Variants in ANKRD6 observed in about 807,000 individuals in gnomAD.
The protein encoded by ANKRD6 is ankyrin repeat domain 6.
ANKRD6 carries 56 observed loss-of-function variants against 82.3 expected under a neutral mutation model. The ratio of observed to expected loss-of-function variants is 0.68; its 90% confidence interval spans 0.55 to 0.85. The LOEUF (loss-of-function observed/expected upper bound fraction) is 0.85. Ranked by LOEUF, ANKRD6 falls within the 40% of genes least tolerant of loss-of-function variation. The pLI is 0.00. For synonymous variants in ANKRD6, 347 were observed against 352.1 expected, an observed-to-expected ratio of 0.99 and a Z score of 0.16; for missense variants, 852 against 907.6, an observed-to-expected ratio of 0.94 and a Z score of 0.79.
intron 1 of ANKRD6, among the ~76,000 whole-genome samples, chr6:89,534,116 A>G (rs917154069): frequency 6.6e-6 from 1 of 152,214 alleles, no homozygotes; most frequent in Non-Finnish European, 1.5e-5. Context: ...CACAATATTA[A>G]TAATGCAGCT....
intron 1 of ANKRD6, among the ~76,000 whole-genome samples, chr6:89,459,138 A>T (rs1277343025): frequency 6.6e-6 from 1 of 151,974 alleles, no homozygotes; most frequent in Admixed American, 6.6e-5. Context: ...GAGTGCAATG[A>T]TGTGATCTCG....
chr6:89,630,372 G>T, intron 15 of ANKRD6, 61 bp from the exon 16 acceptor site: 1 of 1,543,424 alleles, frequency 6.5e-7, no homozygotes. Flanking sequence ...ATACTGACCC[G>T]CAGCCATATG....
At chr6:89,454,759 T>C (rs925516822) in intron 1 of ANKRD6, among the ~76,000 whole-genome samples, 3 of 152,016 alleles carry the variant, frequency 2.0e-5, no homozygotes, top group African/African-American at 4.8e-5. Context: ...TTTCCCTGTA[T>C]TTTTTTTATA....
At position 89,580,625 on chromosome 6, in the gene ANKRD6, C is replaced by T. The variant is rs543458929; in HGVS notation, c.120+13529C>T. Among the ~76,000 whole-genome samples, 11 of 152,176 alleles carry T rather than the reference C, an allele frequency of 7.2e-5. No homozygotes were observed. The South Asian group carries it at 2.3e-3, about 32-fold the overall frequency. The stretch of plus-strand genomic sequence containing the variant: ...CTCGCTGGGCTTCCTGCTCTGAAAC[C>T]TGTTTCCAGTTTCGACAAAACCTCA... On this transcript the variant is annotated intron_variant, in intron 2 of 15. Coordinates refer to ENST00000339746, the MANE Select transcript of ANKRD6 (RefSeq NM_001242809.2).
In ANKRD6 at chr6:89,615,371, T is replaced by C. The variant is rs1475433722; in HGVS notation, c.616-1188T>C. Reference sequence around the variant, plus strand: ...TCTGAGTATACAGCCACTGACCTAATCAAGTAGCACGGCCTCCCCAGTGGG... The same window carrying C: ...TCTGAGTATACAGCCACTGACCTAACCAAGTAGCACGGCCTCCCCAGTGGG... On this transcript the variant is annotated intron_variant, in intron 7 of 15. Coordinates refer to ENST00000339746, the MANE Select transcript of ANKRD6 (RefSeq NM_001242809.2). Among the ~76,000 whole-genome samples, 4 of 152,136 alleles carry C rather than the reference T, an allele frequency of 2.6e-5. No homozygotes were observed. The East Asian group carries it at 7.7e-4, about 29-fold the overall frequency.
At chr6:89,502,047 G>A (rs1296604734) in intron 1 of ANKRD6, among the ~76,000 whole-genome samples, 1 of 152,078 alleles carries the variant, frequency 6.6e-6, no homozygotes, top group Non-Finnish European at 1.5e-5. Context: ...TATTCTTATT[G>A]TTAACATTAA....
At chr6:89,494,196 C>T (rs1778343168) in intron 1 of ANKRD6, among the ~76,000 whole-genome samples, 2 of 152,052 alleles carry the variant, frequency 1.3e-5, no homozygotes, top group South Asian at 4.2e-4. Flanking sequence ...AGGAAAAGGC[C>T]ATGGGGGTCT....
At position 89,623,523 on chromosome 6, in the gene ANKRD6, G is replaced by T. The variant is rs907654372; in HGVS notation, c.1011G>T (p.Arg337Ser). 5.7e-6 allele frequency: 9 copies of T among 1,587,522 alleles called. No homozygotes were observed. The highest frequency in any genetic ancestry group is 6.9e-6 in the Non-Finnish European group (8 of 1,166,788). ...ASPEPRAKDD[R>S]RRKSRPKVSA... ...CAGAACCCAGAGCAAAGGATGACAG[G>T]AGGAGAAAGTCAAGGCCCAAGGTCA... The change falls in exon 11 of 16, where the codon AGG (arginine) becomes AGT (serine). Residue 337 changes from arginine to serine, a missense_variant. Coordinates refer to ENST00000339746, the MANE Select transcript of ANKRD6 (RefSeq NM_001242809.2).
chr6:89,478,896 G>T (rs1466173604), intron 1 of ANKRD6, among the ~76,000 whole-genome samples: 1 of 152,116 alleles, frequency 6.6e-6, no homozygotes, highest in Non-Finnish European at 1.5e-5. Flanking sequence ...GGCCTGAAAA[G>T]ATGTTTCCCT....
intron 14 of ANKRD6, chr6:89,628,780 A>C (rs959658728): frequency 2.2e-4 from 58 of 263,672 alleles, no homozygotes; most frequent in Admixed American, 4.6e-4. Flanking sequence ...CAAAAAACAA[A>C]CAAACAAACA....
At chr6:89,557,929 A>C (rs898002801) in intron 1 of ANKRD6, among the ~76,000 whole-genome samples, 1 of 152,094 alleles carries the variant, frequency 6.6e-6, no homozygotes, top group African/African-American at 2.4e-5. Context: ...ATCTAGTTGC[A>C]GGAAAACAAG....
intron 1 of ANKRD6, among the ~76,000 whole-genome samples, chr6:89,493,253 G>C (rs1778216196): frequency 6.6e-6 from 1 of 152,108 alleles, no homozygotes; most frequent in South Asian, 2.1e-4. Flanking sequence ...AGAGTTTCTA[G>C]GGGATATTCT....
rs1390489350 is a variant in ANKRD6 at position 89,433,717 on chromosome 6, G to A, written c.-144+342G>A. ...GCAGTTTGAAGGAAGGGCGGTGGGG[G>A]CGGGGGTCCGAGTACCCCGCGGTCT... On this transcript the variant is annotated intron_variant, in intron 1 of 15. Coordinates refer to ENST00000339746, the MANE Select transcript of ANKRD6 (RefSeq NM_001242809.2). The surrounding 1 kb of genome is among the most constrained non-coding windows in gnomAD (Gnocchi z 4.3). Among the ~76,000 whole-genome samples the A allele has an allele frequency of 6.6e-6, 1 of 152,098 alleles. No individual in the cohort carries two copies. Among genetic ancestry groups the A allele is most frequent in the Non-Finnish European group, 1.5e-5 (1 of 67,988 alleles).
chr6:89,612,243 T>C (rs374381779), intron 5 of ANKRD6, 29 bp from the exon 6 acceptor site: 153 of 1,542,954 alleles, frequency 9.9e-5, no homozygotes, highest in Non-Finnish European at 1.3e-4. Flanking sequence ...GTTGCTAATA[T>C]GTCCTCCCTC....
At position 89,578,286 on chromosome 6, in the gene ANKRD6, C is replaced by CTTTTTTTTTTTTTTTTTTTTTTTTTTT. The variant is rs71024383; in HGVS notation, c.120+11216_120+11217insTTTTTTTTTTTTTTTTTTTTTTTTTTT. ...ATTAGCTTTTTCCCCCTCCCGCCTC[C>CTTTTTTTTTTTTTTTTTTTTTTTTTTT]TTTTTTTTTTTTTTTTTTTTTTTTT... On this transcript the variant is annotated intron_variant, in intron 2 of 15. Coordinates refer to ENST00000339746, the MANE Select transcript of ANKRD6 (RefSeq NM_001242809.2). Among the ~76,000 whole-genome samples the CTTTTTTTTTTTTTTTTTTTTTTTTTTT allele has an allele frequency of 5.9e-5, 7 of 119,098 alleles. 3 individuals are homozygous for CTTTTTTTTTTTTTTTTTTTTTTTTTTT. 78.1% of individuals were successfully genotyped at this position (119,098 alleles called of 152,430 possible).
intron 1 of ANKRD6, among the ~76,000 whole-genome samples, chr6:89,444,528 G>T (rs975748554): frequency 6.6e-6 from 1 of 152,136 alleles, no homozygotes. Flanking sequence ...GTTGCATTGG[G>T]TATAAGCCAG....
intron 2 of ANKRD6, among the ~76,000 whole-genome samples, chr6:89,593,871 T>G (rs931970101): frequency 6.6e-6 from 1 of 152,240 alleles, no homozygotes; most frequent in African/African-American, 2.4e-5. Flanking sequence ...CATCAAAAAG[T>G]GTTATTTCTT....
In ANKRD6 at chr6:89,623,952, TA is replaced by T; in HGVS notation, c.1118del (p.Lys373ArgfsTer32). On this transcript the variant is annotated frameshift_variant, in exon 12 of 16. Transcript: ENST00000339746. LOFTEE classifies it high-confidence loss of function. ...QKNLHAHNHP[K>X]KRNRHRCSSP... ...AGAACCTGCATGCTCATAATCACCC[TA>T]AAAAGAGGAACAGGCATCGGTGTTC... 6.2e-7 allele frequency: 1 copy of T among 1,613,788 alleles called. No individual in the cohort carries two copies. Among genetic ancestry groups the T allele is most frequent in the African/African-American group, 1.3e-5 (1 of 74,970 alleles).
intron 2 of ANKRD6, among the ~76,000 whole-genome samples, chr6:89,583,006 T>C (rs1237745031): frequency 2.0e-5 from 3 of 152,198 alleles, no homozygotes; most frequent in Non-Finnish European, 4.4e-5. Context: ...TTCTCAGTAT[T>C]GACTGCACGT....
Sources: allele counts gnomAD v4.1 joint callset (sites outside exome capture counted in the v4.1 genomes callset), GRCh38; gene constraint gnomAD v4.1.1; non-coding constraint Gnocchi (gnomAD v3.1); transcripts MANE v1.5; gene names NCBI Gene and HGNC (gene_info 2026-07-23, HGNC 2026-07-21).